Variants in B3GAT1 observed in about 807,000 individuals in gnomAD.
B3GAT1 encodes beta-1,3-glucuronyltransferase 1, also known as galactosylgalactosylxylosylprotein 3-beta-glucuronosyltransferase 1.
B3GAT1 carries 11 observed loss-of-function variants against 28.4 expected under a neutral mutation model. The observed-to-expected ratio is 0.39, with a 90% CI of 0.24 to 0.64. B3GAT1 has a LOEUF of 0.64. Among genes scored for constraint, B3GAT1 ranks in the 30% least tolerant of loss-of-function variants. B3GAT1 has a pLI of 0.50. For missense variants in B3GAT1, 375 were observed against 491.0 expected (o/e 0.76, Z 2.23); for synonymous variants, 255 against 223.1 (o/e 1.14, Z -1.27).
chr11:134,383,825 CGGGCGTCTCCGCGCAGCTTGTAGTTGCG>C lies in B3GAT1; in HGVS notation c.448_475del (p.Arg150AlafsTer74), dbSNP rs778652849. 4 of 1,594,570 alleles carry C rather than the reference CGGGCGTCTCCGCGCAGCTTGTAGTTGCG, an allele frequency of 2.5e-6. No individual in the cohort carries two copies. Among genetic ancestry groups the C allele is most frequent in the Non-Finnish European group, 8.5e-7 (1 of 1,172,484 alleles). The stretch of plus-strand genomic sequence containing the variant: ...GGTGCCCCGCGGGATGCGTGGGTCG[CGGGCGTCTCCGCGCAGCTTGTAGTTGCG>C]GGGCGTCTCCACGTGCAGGTGCGTG... On this transcript the variant is annotated frameshift_variant, in exon 3 of 6. Transcript: ENST00000312527. LOFTEE classifies it high-confidence loss of function.
At chr11:134,409,420 G>A (rs1000056457) in intron 1 of B3GAT1, among the ~76,000 whole-genome samples, 1 of 152,178 alleles carries the variant, frequency 6.6e-6, no homozygotes, top group African/African-American at 2.4e-5. Flanking sequence ...AGGAGGGCTG[G>A]GGCAGGGCCA....
intron 1 of B3GAT1, among the ~76,000 whole-genome samples, chr11:134,402,249 C>T (rs561338802): frequency 1.6e-4 from 25 of 152,232 alleles, no homozygotes; most frequent in Admixed American, 9.2e-4. Flanking sequence ...CCCCAGTGTG[C>T]GGTTGCTGCT....
intron 1 of B3GAT1, among the ~76,000 whole-genome samples, chr11:134,398,123 G>C (rs1393414598): frequency 6.6e-6 from 1 of 152,226 alleles, no homozygotes; most frequent in Non-Finnish European, 1.5e-5. Context: ...GCCCGCCTGA[G>C]TGACTTCACA....
intron 1 of B3GAT1, among the ~76,000 whole-genome samples, chr11:134,409,531 C>G (rs755699940): frequency 6.6e-6 from 1 of 152,220 alleles, no homozygotes; most frequent in East Asian, 1.9e-4. Flanking sequence ...CATAGCCTGG[C>G]CTCCCTCTGC....
chr11:134,384,112 G>A lies in B3GAT1; in HGVS notation c.189C>T (p.Ile63=), dbSNP rs201436728. ...PREYCTSDRD[I]VEVVRTEYVY... ...CGTACTCGGTGCGCACCACCTCCAC[G>A]ATGTCGCGGTCAGACGTGCAGTACT... is the stretch of plus-strand genomic sequence containing the variant. Residue 63 remains isoleucine, a synonymous_variant, in exon 3 of 6, where the codon ATC becomes ATT. Transcript: ENST00000312527. The A allele has an allele frequency of 3.4e-5, 54 of 1,588,494 alleles. No individual in the cohort carries two copies. The East Asian group carries it at 8.3e-4, about 25-fold the overall frequency.
chr11:134,402,331 C>G lies in B3GAT1; in HGVS notation c.-282+9476G>C, dbSNP rs966617007. Reference sequence around the variant, plus strand: ...TTCCCAGAAAGGCACTCAGGAAGGACCGGTGATTTCAGAGATTCCCCATCC... The same window carrying G: ...TTCCCAGAAAGGCACTCAGGAAGGAGCGGTGATTTCAGAGATTCCCCATCC... On this transcript the variant is annotated intron_variant, in intron 1 of 5. Transcript: ENST00000312527. Among the ~76,000 whole-genome samples, 3 of 152,178 alleles carry G rather than the reference C, an allele frequency of 2.0e-5. No individual in the cohort carries two copies. In the East Asian group the frequency reaches 5.8e-4, roughly 29 times the overall value.
intron 1 of B3GAT1, among the ~76,000 whole-genome samples, chr11:134,410,378 C>G (rs1944830609): frequency 6.6e-6 from 1 of 152,218 alleles, no homozygotes; most frequent in African/African-American, 2.4e-5. Context: ...CTGAATGGGG[C>G]ACAGATGCAT....
chr11:134,401,975 G>C (rs957628722), intron 1 of B3GAT1, among the ~76,000 whole-genome samples: 1 of 123,640 alleles, frequency 8.1e-6, no homozygotes, highest in African/African-American at 2.7e-5. Context: ...TGGGGCGGGG[G>C]GGGGCGGGCA....
In B3GAT1 at chr11:134,393,036, C is replaced by T. The variant is rs563157047; in HGVS notation, c.-281-5096G>A. Among the ~76,000 whole-genome samples, 2 of 152,140 alleles carry T rather than the reference C, an allele frequency of 1.3e-5. No individual in the cohort carries two copies. Among genetic ancestry groups the T allele is most frequent in the South Asian group, 2.1e-4 (1 of 4,824 alleles). ...CCAGAGCGGAAGAGACGACACAGCT[C>T]GCTCCAGTGCAGGTGACGTGTGAAC... On this transcript the variant is annotated intron_variant, in intron 1 of 5. Coordinates refer to ENST00000312527, the MANE Select transcript of B3GAT1 (RefSeq NM_054025.3). The surrounding 1 kb of genome is among the most constrained non-coding windows in gnomAD (Gnocchi z 4.0).
intron 1 of B3GAT1, among the ~76,000 whole-genome samples, chr11:134,410,143 T>A (rs557652813): frequency 6.6e-6 from 1 of 152,360 alleles, no homozygotes; most frequent in African/African-American, 2.4e-5. Context: ...GTGAAGCTCC[T>A]TGGTCTCCGC....
chr11:134,406,938 A>C (rs55712368), intron 1 of B3GAT1, among the ~76,000 whole-genome samples: 9 of 103,182 alleles, frequency 8.7e-5, no homozygotes, highest in African/African-American at 4.2e-4. Flanking sequence ...GTGCAGGCTC[A>C]GGTCCACAAC....
chr11:134,387,785 T>C lies in B3GAT1; in HGVS notation c.-126A>G, dbSNP rs985405163. ...AGGCATGGGCCGGGCCGGCCAGGCA[T>C]GGAGAGGACAGAGCAGCTGAATGTT... On this transcript the variant is annotated 5_prime_UTR_variant, in exon 2 of 6. An upstream start codon of the reference 5' UTR is lost. Coordinates refer to ENST00000312527, the MANE Select transcript of B3GAT1 (RefSeq NM_054025.3). 11 of 1,542,222 alleles carry C rather than the reference T, an allele frequency of 7.1e-6. No homozygotes were observed. Among genetic ancestry groups the C allele is most frequent in the Middle Eastern group, 1.7e-4 (1 of 5,978 alleles).
At chr11:134,383,131 G>C (rs2136302705) in intron 3 of B3GAT1, 125 bp from the exon 4 acceptor site, 1 of 1,088,352 alleles carries the variant, frequency 9.2e-7, no homozygotes, top group East Asian at 2.6e-5. Context: ...GGCCACCTAG[G>C]GGGTGTCCAG....
At chr11:134,404,853 G>C (rs906829071) in intron 1 of B3GAT1, among the ~76,000 whole-genome samples, 1 of 152,238 alleles carries the variant, frequency 6.6e-6, no homozygotes, top group Admixed American at 6.5e-5. Context: ...CAGCTACCAC[G>C]CAGAAACTCT....
Position 134,383,739 on chromosome 11 carries a change from G to A in B3GAT1, c.562C>T (p.Pro188Ser). 8 of 1,594,818 alleles carry A rather than the reference G, an allele frequency of 5.0e-6. No individual in the cohort carries two copies. The highest frequency in any genetic ancestry group is 1.7e-5 in the Admixed American group (1 of 58,620). ...RETFPRNSSQ[P>S]GVVYFADDDN... is the part of the protein sequence containing the mutation. Reference sequence around the variant, plus strand: ...TCGTCGGCGAAGTAGACCACGCCAGGCTGGCTGGAGTTGCGCGGGAAGGTC... The same window carrying A: ...TCGTCGGCGAAGTAGACCACGCCAGACTGGCTGGAGTTGCGCGGGAAGGTC... Residue 188 changes from proline (P) to serine (S), a missense_variant, in exon 3 of 6, where the codon CCT becomes TCT. Coordinates refer to ENST00000312527, the MANE Select transcript of B3GAT1 (RefSeq NM_054025.3).
At chr11:134,382,548 G>T (rs1944157824) in intron 4 of B3GAT1, among the ~76,000 whole-genome samples, 162 bp downstream of exon 4, 1 of 152,316 alleles carries the variant, frequency 6.6e-6, no homozygotes, top group South Asian at 2.1e-4. Context: ...CTGCCTGTCC[G>T]CAGTGTCGCT....
At chr11:134,408,037 C>T (rs574255211) in intron 1 of B3GAT1, among the ~76,000 whole-genome samples, 37 of 152,194 alleles carry the variant, frequency 2.4e-4, no homozygotes, top group African/African-American at 7.7e-4. Flanking sequence ...TAATTAGACA[C>T]GAAAGTATTA....
At chr11:134,401,152 A>T (rs1048389291) in intron 1 of B3GAT1, among the ~76,000 whole-genome samples, 1 of 152,254 alleles carries the variant, frequency 6.6e-6, no homozygotes, top group South Asian at 2.1e-4. Flanking sequence ...GGGAATGTAG[A>T]TGAGTTCAGC....
At position 134,383,756 on chromosome 11, in the gene B3GAT1, G is replaced by A. The variant is rs1206376483; in HGVS notation, c.545C>T (p.Pro182Leu). The A allele has an allele frequency of 6.9e-6, 11 of 1,596,186 alleles. No individual in the cohort carries two copies. Among genetic ancestry groups the A allele is most frequent in the Admixed American group, 3.4e-5 (2 of 58,586 alleles). The change falls in exon 3 of 6, where the codon CCG (proline) becomes CTG (leucine). Residue 182 changes from proline to leucine, a missense_variant. By Grantham distance (98) the Pro-to-Leu change is moderately conservative. Transcript: ENST00000312527. Reference protein sequence around the residue: ...LALRWLRETFPRNSSQPGVVY... With the variant: ...LALRWLRETFLRNSSQPGVVY... ...CACGCCAGGCTGGCTGGAGTTGCGC[G>A]GGAAGGTCTCGCGCAGCCAGCGCAG... is the stretch of plus-strand genomic sequence containing the variant.
Sources: gnomAD v4.1 joint callset for allele counts (sites outside exome capture counted in the v4.1 genomes callset) on GRCh38, gnomAD v4.1.1 for gene constraint, Gnocchi (gnomAD v3.1) non-coding constraint, MANE v1.5 for transcripts, NCBI Gene and HGNC (gene_info 2026-07-23, HGNC 2026-07-21) for gene names.